The following GRAP variants were observed in gnomAD, a reference collection of about 807,000 sequenced individuals.
The protein encoded by GRAP is GRB2 related adaptor protein, also known as GRB2-related adapter protein.
In GRAP, 2 loss-of-function variants were observed where a neutral mutation model predicts 9.1. The ratio of observed to expected loss-of-function variants is 0.22; its 90% CI spans 0.09 to 0.69. GRAP has a LOEUF of 0.69. Among genes scored for constraint, GRAP ranks in the 30% least tolerant of loss-of-function variants. GRAP has a pLI of 0.81. For missense variants in GRAP, 113 were observed against 179.4 expected (o/e 0.63, Z 2.12); for synonymous variants, 68 against 73.6 (o/e 0.92, Z 0.39).
rs2044250482 is a variant in GRAP at position 19,020,709 on chromosome 17, T to C, written c.*1250A>G. 2 of 475,524 alleles carry C rather than the reference T, an allele frequency of 4.2e-6. No homozygotes were observed. The highest frequency in any genetic ancestry group is 3.9e-6 in the Non-Finnish European group (1 of 259,376). 29.5% of individuals were successfully genotyped at this position (475,524 alleles called of 1,614,324 possible). A position where few individuals can be genotyped will look rare whatever the true frequency, so the allele number is the denominator to read the frequency against. ...CATCCTGATGTTGGTTTTACTGTTT[T>C]CGTTTTGAATACACAGGCTGGGTCA... is the stretch of plus-strand genomic sequence containing the variant. On this transcript the variant is annotated 3_prime_UTR_variant, in exon 5 of 5. Coordinates refer to ENST00000284154, the MANE Select transcript of GRAP (RefSeq NM_006613.4).
At chr17:19,022,498 A>G (rs2044280047) in intron 4 of GRAP, 1 of 239,532 alleles carries the variant, frequency 4.2e-6, no homozygotes, top group Non-Finnish European at 8.0e-6. Flanking sequence ...TGCAGCAGCC[A>G]TGGTAGCTTT....
In GRAP at chr17:19,021,537, G is replaced by A; in HGVS notation, c.*422C>T. The A allele has an allele frequency of 3.1e-6, 1 of 321,178 alleles. No individual in the cohort carries two copies. Among genetic ancestry groups the A allele is most frequent in the Admixed American group, 4.9e-5 (1 of 20,238 alleles). 19.9% of individuals were successfully genotyped at this position (321,178 alleles called of 1,614,324 possible). ...AACTCCAGGGGCCTTTTGAGGGAGG[G>A]GCAGGCAGGCCCAGTGGGTGGTCAG... On this transcript the variant is annotated 3_prime_UTR_variant, in exon 5 of 5. Coordinates refer to ENST00000284154, the MANE Select transcript of GRAP (RefSeq NM_006613.4). This position sits in a 1 kb window ranked among gnomAD's most constrained non-coding sequence, Gnocchi z 4.1.
In GRAP at chr17:19,025,090, C is replaced by A. The variant is rs182750946; in HGVS notation, c.300-707G>T. Among the ~76,000 whole-genome samples the A allele has an allele frequency of 1.2e-3, 178 of 152,300 alleles. 1 individual carries two copies. The highest frequency in any genetic ancestry group is 6.8e-3 in the Middle Eastern group (2 of 294). ...AAGCAGGCCCCTTTCTCTCATTTCC[C>A]GTCTGTGCCCTGCCTTCCAGCCAGC... On this transcript the variant is annotated intron_variant, in intron 3 of 4. Transcript: ENST00000284154.
intron 1 of GRAP, among the ~76,000 whole-genome samples, chr17:19,045,650 T>C (rs2044377029): frequency 1.4e-5 from 1 of 69,640 alleles, no homozygotes; most frequent in Non-Finnish European, 2.4e-5. Context: ...GGGTCATGCC[T>C]TGGGCTCACA....
At position 19,024,232 on chromosome 17, in the gene GRAP, C is replaced by T. The variant is rs778587592; in HGVS notation, c.451G>A (p.Glu151Lys). The part of the protein sequence containing the change: ...AKKRQIFLRD[E>K]EPLLKSPGAC... The stretch of plus-strand genomic sequence containing the variant: ...GCCCCTACCTTGAGCAAGGGCTCCT[C>T]GTCGCGCAGGAAGATCTGCCGCTTC... The change falls in exon 4 of 5, where the codon GAG becomes AAG. Residue 151 changes from glutamate (E) to lysine (K), a missense_variant. Transcript: ENST00000284154. The surrounding 1 kb of genome is among the most constrained non-coding windows in gnomAD (Gnocchi z 4.2). The T allele has an allele frequency of 1.3e-5, 21 of 1,592,542 alleles. No individual in the cohort carries two copies. In the East Asian group the frequency reaches 3.0e-4, roughly 23 times the overall value.
chr17:19,024,505 T>C lies in GRAP; in HGVS notation c.300-122A>G. The C allele has an allele frequency of 6.8e-7, 1 of 1,463,262 alleles. No individual in the cohort carries two copies. 90.6% of individuals were successfully genotyped at this position (1,463,262 alleles called of 1,614,324 possible). A position where few individuals can be genotyped will look rare whatever the true frequency, so the allele number is the denominator to read the frequency against. The stretch of plus-strand genomic sequence containing the variant: ...TCTCACGGTGGGACCTGGAGTCAGA[T>C]AAGGTGCAAGTGGGAGAGGCCCCAC... On this transcript the variant is annotated intron_variant, in intron 3 of 4. Coordinates refer to ENST00000284154, the MANE Select transcript of GRAP (RefSeq NM_006613.4). This position sits in a 1 kb window ranked among gnomAD's most constrained non-coding sequence, Gnocchi z 4.2.
rs535376423 is a variant in GRAP, at chr17:19,024,465, C to T, written c.300-82G>A. 2 of 1,525,502 alleles carry T rather than the reference C, an allele frequency of 1.3e-6. No homozygotes were observed. The highest frequency in any genetic ancestry group is 2.5e-5 in the South Asian group (2 of 80,568). 94.5% of individuals were successfully genotyped at this position (1,525,502 alleles called of 1,614,324 possible). On this transcript the variant is annotated intron_variant, in intron 3 of 4. Coordinates refer to ENST00000284154, the MANE Select transcript of GRAP (RefSeq NM_006613.4). The surrounding 1 kb of genome is among the most constrained non-coding windows in gnomAD (Gnocchi z 4.2). ...CCCAGGGGCTCCCGTCTCACTACCACCTGGAACCAGCCTGTCTCACGGTGG... is the reference window on the plus strand; with the variant it reads ...CCCAGGGGCTCCCGTCTCACTACCATCTGGAACCAGCCTGTCTCACGGTGG...
rs367896186 is a variant in GRAP at position 19,024,287 on chromosome 17, G to A, written c.396C>T (p.Val132=). 4.1e-5 allele frequency: 66 copies of A among 1,608,886 alleles called. No individual in the cohort carries two copies. Among genetic ancestry groups the A allele is most frequent in the Non-Finnish European group, 5.3e-5 (63 of 1,177,706 alleles). The change falls in exon 4 of 5, where the codon GTC becomes GTT. Residue 132 remains valine, a synonymous_variant. Coordinates refer to ENST00000284154, the MANE Select transcript of GRAP (RefSeq NM_006613.4). The surrounding 1 kb of genome is among the most constrained non-coding windows in gnomAD (Gnocchi z 4.2). ...CGATGGTGGTGGTGCGGTAGAAGTC[G>A]ACCAGCTCGTTGAGGGAGTTGAACT... ...EEKFNSLNEL[V]DFYRTTTIAK... is the part of the protein sequence containing the mutation.
At chr17:19,023,834 C>G (rs1274998159) in intron 4 of GRAP, among the ~76,000 whole-genome samples, 4 of 152,032 alleles carry the variant, frequency 2.6e-5, no homozygotes, top group African/African-American at 9.7e-5. Context: ...TCCCAGAGTA[C>G]AGAGACCAGT....
Position 19,021,989 on chromosome 17 carries a change from TG to T in GRAP, c.623del (p.Pro208HisfsTer55). ...GRSCGRVGFF[P>X]RSYVQPVHL ...GGTGCACGGGCTGCACGTAACTCCG[TG>T]GGAAGAAGCCAACGCGCCCGCAGGA... On this transcript the variant is annotated frameshift_variant, in exon 5 of 5. Coordinates refer to ENST00000284154, the MANE Select transcript of GRAP (RefSeq NM_006613.4). LOFTEE classifies it high-confidence loss of function. This position sits in a 1 kb window ranked among gnomAD's most constrained non-coding sequence, Gnocchi z 4.1. 1 of 1,582,842 alleles carries T rather than the reference TG, an allele frequency of 6.3e-7. No individual in the cohort carries two copies. Among genetic ancestry groups the T allele is most frequent in the Non-Finnish European group, 8.6e-7 (1 of 1,165,880 alleles).
intron 4 of GRAP, among the ~76,000 whole-genome samples, chr17:19,022,802 G>A (rs1412017552): frequency 6.6e-6 from 1 of 152,158 alleles, no homozygotes; most frequent in Admixed American, 6.6e-5. Flanking sequence ...GGCCCTGCCT[G>A]CCCACCAAGA....
rs1254191455 is a variant in GRAP at position 19,024,306 on chromosome 17, T to G, written c.377A>C (p.Asn126Thr). The G allele has an allele frequency of 1.9e-6, 3 of 1,610,476 alleles. No individual in the cohort carries two copies. Among genetic ancestry groups the G allele is most frequent in the Non-Finnish European group, 2.5e-6 (3 of 1,178,548 alleles). Residue 126 changes from asparagine (N) to threonine (T), a missense_variant, in exon 4 of 5, where the codon AAC (asparagine) becomes ACC (threonine). Asn to Thr is a moderately conservative substitution (Grantham distance 65). Transcript: ENST00000284154. The surrounding 1 kb of genome is among the most constrained non-coding windows in gnomAD (Gnocchi z 4.2). ...GKYFLWEEKF[N>T]SLNELVDFYR... The stretch of plus-strand genomic sequence containing the variant: ...GAAGTCGACCAGCTCGTTGAGGGAG[T>G]TGAACTTCTCCTCCCACAGGAAGTA...
rs145838566 is a variant in GRAP at position 19,022,066 on chromosome 17, C to G, written c.547G>C (p.Asp183His). 1.3e-6 allele frequency: 2 copies of G among 1,592,750 alleles called. No individual in the cohort carries two copies. The highest frequency in any genetic ancestry group is 2.7e-5 in the African/African-American group (2 of 74,196). Residue 183 changes from aspartate (D) to histidine (H), a missense_variant, in exon 5 of 5, where the codon GAC (aspartate) becomes CAC (histidine). By Grantham distance (81) the Asp-to-His change is moderately conservative. Around this residue, in one of 2 missense-constraint regions of GRAP, gnomAD observed 113 missense variants for 163.3 expected, o/e 0.69. Transcript: ENST00000284154. The part of the protein sequence containing the change: ...DPSQLSFRRG[D>H]IIEVLERPDP... ...GGGCGCTCCAGGACCTCAATGATGT[C>G]GCCACGGCGGAAGCTGAGCTGCGAG...
At chr17:19,022,610 G>A (rs1410406702) in intron 4 of GRAP, 3 of 155,388 alleles carry the variant, frequency 1.9e-5, no homozygotes, top group Non-Finnish European at 2.8e-5. Flanking sequence ...CAGCCGTTGA[G>A]GGAGAGAATT....
At chr17:19,022,261 C>T (rs187397886) in intron 4 of GRAP, 117 bp from the exon 5 acceptor site, 173 of 547,492 alleles carry the variant, frequency 3.2e-4, no homozygotes, top group African/African-American at 3.0e-3. Context: ...CGGGCAGCAC[C>T]GGAGTTGAAC....
chr17:19,022,779 C>G (rs2044283055), intron 4 of GRAP, among the ~76,000 whole-genome samples: 1 of 152,218 alleles, frequency 6.6e-6, no homozygotes. Context: ...GTGACTATTG[C>G]ACCCAGCACC....
At chr17:19,049,398 C>G (rs1597931914), upstream of GRAP, among the ~76,000 whole-genome samples, 1 of 12,532 alleles carries the variant, frequency 8.0e-5, no homozygotes, top group Non-Finnish European at 2.9e-4. Context: ...TAAATCTGCC[C>G]TGATTCCGGG....
rs1176993017 is a variant in GRAP, at chr17:19,021,869, G to A, written c.*90C>T. ...TCCAAGGCCGTCCACTGAGCCCCGT[G>A]TGACTCTGACAGAGCTGGGGGTGTC... On this transcript the variant is annotated 3_prime_UTR_variant, in exon 5 of 5. Transcript: ENST00000284154. The surrounding 1 kb of genome is among the most constrained non-coding windows in gnomAD (Gnocchi z 4.1). 3.8e-6 allele frequency: 5 copies of A among 1,331,250 alleles called. No individual in the cohort carries two copies. The highest frequency in any genetic ancestry group is 4.9e-6 in the Non-Finnish European group (5 of 1,019,918). The allele number at this position is 1,331,250 out of a possible 1,614,324, so 82.5% of individuals were successfully genotyped here. A position where few individuals can be genotyped will look rare whatever the true frequency, so the allele number is the denominator to read the frequency against.
At chr17:19,029,833 G>A (rs1260846114) in intron 3 of GRAP, among the ~76,000 whole-genome samples, 2 of 26,604 alleles carry the variant, frequency 7.5e-5, no homozygotes, top group Non-Finnish European at 2.2e-4. Context: ...CAGTGCAGCC[G>A]GCTCTGCTGC....
Sources: allele counts gnomAD v4.1 joint callset (sites outside exome capture counted in the v4.1 genomes callset), GRCh38; gene constraint gnomAD v4.1.1; regional missense constraint gnomAD v4.1.1; non-coding constraint Gnocchi (gnomAD v3.1); transcripts MANE v1.5; gene names NCBI Gene and HGNC (gene_info 2026-07-23, HGNC 2026-07-21).